LMNTD1: variants seen among roughly 807,000 people sequenced by gnomAD.
LMNTD1 encodes lamin tail domain containing 1, also known as lamin tail domain-containing protein 1.
LMNTD1 carries 35 observed loss-of-function variants against 50.9 expected under a neutral mutation model. The ratio of observed to expected loss-of-function variants is 0.69; its 90% CI spans 0.53 to 0.91. LMNTD1 has a LOEUF of 0.91. Ranked by LOEUF, LMNTD1 falls within the 40% of genes least tolerant of loss-of-function variation. The pLI is 0.00. For synonymous variants in LMNTD1, 153 were observed against 161.9 expected (o/e 0.94, Z 0.42); for missense variants, 470 against 475.5 (o/e 0.99, Z 0.11).
At chr12:25,628,198 T>C (rs1210981681) in intron 1 of LMNTD1, among the ~76,000 whole-genome samples, 1 of 151,432 alleles carries the variant, frequency 6.6e-6, no homozygotes, top group Non-Finnish European at 1.5e-5. Context: ...ATATATTACT[T>C]GAAGTTGACT....
At chr12:25,527,681 T>TATATATATATACACAC in intron 4 of LMNTD1, among the ~76,000 whole-genome samples, 1 of 32,348 alleles carries the variant, frequency 3.1e-5, no homozygotes, top group Admixed American at 4.0e-4. Context: ...TATATATATA[T>TATATATATATACACAC]ACACACACAC....
chr12:25,646,941 G>A (rs1443257549), intron 1 of LMNTD1, among the ~76,000 whole-genome samples: 1 of 152,118 alleles, frequency 6.6e-6, no homozygotes, highest in African/African-American at 2.4e-5. Context: ...AATCTGAGAG[G>A]TTGTTGATGT....
At chr12:25,569,674 T>C (rs1944705300) in intron 1 of LMNTD1, among the ~76,000 whole-genome samples, 2 of 152,064 alleles carry the variant, frequency 1.3e-5, no homozygotes, top group African/African-American at 2.4e-5. Context: ...TGGTGATAAG[T>C]TCTCATTCAG....
chr12:25,489,371 G>T (rs963495337), intron 9 of LMNTD1, among the ~76,000 whole-genome samples: 2 of 151,590 alleles, frequency 1.3e-5, no homozygotes, highest in African/African-American at 4.9e-5. Flanking sequence ...GCAATATTCG[G>T]GTGGGAGTGA....
chr12:25,501,520 T>C lies in LMNTD1; in HGVS notation c.*22+2218A>G, dbSNP rs115988733. On this transcript the variant is annotated intron_variant, in intron 9 of 9. Coordinates refer to ENST00000458174, the MANE Select transcript of LMNTD1 (RefSeq NM_001145728.2). ...GACAAAGACAATCTTAAAGGTTAAT[T>C]AGCAGAGTGGTGTGGAAGAGCAATG... is the stretch of plus-strand genomic sequence containing the variant. Among the ~76,000 whole-genome samples, 563 of 152,254 alleles carry C rather than the reference T, an allele frequency of 3.7e-3. 6 individuals carry two copies. Among genetic ancestry groups the C allele is most frequent in the African/African-American group, 0.013 (548 of 41,546 alleles).
intron 4 of LMNTD1, among the ~76,000 whole-genome samples, chr12:25,527,651 TA>T (rs1455720127): frequency 1.3e-4 from 6 of 44,576 alleles, no homozygotes; most frequent in African/African-American, 6.1e-4. Context: ...TATATATATA[TA>T]TATATATATA....
chr12:25,588,897 A>C (rs1565506190), intron 1 of LMNTD1, among the ~76,000 whole-genome samples: 2 of 152,234 alleles, frequency 1.3e-5, no homozygotes, highest in African/African-American at 4.8e-5. Context: ...CAACATTATT[A>C]GTAGCCAGGG....
At chr12:25,550,824 T>C (rs1292466372) in intron 2 of LMNTD1, among the ~76,000 whole-genome samples, 1 of 152,226 alleles carries the variant, frequency 6.6e-6, no homozygotes, top group Non-Finnish European at 1.5e-5. Flanking sequence ...TGCTCTTTAA[T>C]GTGCCTCTCA....
chr12:25,478,929 G>A (rs1239089366), intron 9 of LMNTD1, among the ~76,000 whole-genome samples: 1 of 151,500 alleles, frequency 6.6e-6, no homozygotes, highest in African/African-American at 2.4e-5. Context: ...TAAAGGGTCT[G>A]GGCCATTTGT....
At chr12:25,572,522 G>A (rs1458798162) in intron 1 of LMNTD1, among the ~76,000 whole-genome samples, 2 of 152,088 alleles carry the variant, frequency 1.3e-5, no homozygotes, top group African/African-American at 4.8e-5. Context: ...ACCATATACA[G>A]ATAATACCAA....
intron 1 of LMNTD1, among the ~76,000 whole-genome samples, chr12:25,575,061 T>A (rs1465024013): frequency 6.6e-6 from 1 of 152,176 alleles, no homozygotes; most frequent in African/African-American, 2.4e-5. Context: ...AGGCTTTTTG[T>A]CCCTGGTGAA....
intron 7 of LMNTD1, among the ~76,000 whole-genome samples, chr12:25,519,603 A>AAAAAAAAAAAAAAAAAC: frequency 6.8e-6 from 1 of 147,516 alleles, no homozygotes; most frequent in Non-Finnish European, 1.5e-5. Flanking sequence ...AAAAAAAAAA[A>AAAAAAAAAAAAAAAAAC]AAAAAGTGAA....
intron 1 of LMNTD1, among the ~76,000 whole-genome samples, chr12:25,618,322 A>C (rs1249099561): frequency 2.0e-5 from 3 of 152,124 alleles, no homozygotes; most frequent in Middle Eastern, 3.2e-3. Flanking sequence ...AGCAGGCATC[A>C]ATCTTCTTAG....
At chr12:25,605,324 G>T (rs1946072429) in intron 1 of LMNTD1, among the ~76,000 whole-genome samples, 1 of 152,094 alleles carries the variant, frequency 6.6e-6, no homozygotes, top group South Asian at 2.1e-4. Context: ...GGTTTCTTTT[G>T]CTGTGCAGAA....
At chr12:25,493,057 T>G (rs909514890) in intron 9 of LMNTD1, among the ~76,000 whole-genome samples, 1 of 152,210 alleles carries the variant, frequency 6.6e-6, no homozygotes, top group African/African-American at 2.4e-5. Flanking sequence ...AATCAGCTCC[T>G]TGGCACCTAT....
chr12:25,588,353 G>C (rs531552397), intron 1 of LMNTD1, among the ~76,000 whole-genome samples: 4 of 152,240 alleles, frequency 2.6e-5, no homozygotes, highest in African/African-American at 7.2e-5. Flanking sequence ...TTTCAACTCA[G>C]ATAATCCCAT....
chr12:25,539,240 G>A (rs1054728760), intron 4 of LMNTD1, among the ~76,000 whole-genome samples: 1 of 148,774 alleles, frequency 6.7e-6, no homozygotes, highest in African/African-American at 2.5e-5. Context: ...GACATCTACA[G>A]AACTCTCCAC....
chr12:25,558,519 T>G (rs193038823), intron 1 of LMNTD1, among the ~76,000 whole-genome samples: 6 of 152,366 alleles, frequency 3.9e-5, no homozygotes, highest in Admixed American at 3.9e-4. Context: ...ATTTCCTCAT[T>G]GACTCACTGG....
chr12:25,509,858 TAAG>T (rs1024309306), intron 8 of LMNTD1, among the ~76,000 whole-genome samples: 5 of 152,274 alleles, frequency 3.3e-5, no homozygotes, highest in African/African-American at 1.2e-4. Context: ...GACTAGAAAC[TAAG>T]AAGATGCAAG....
Sources: gnomAD v4.1 joint callset for allele counts (sites outside exome capture counted in the v4.1 genomes callset) on GRCh38, gnomAD v4.1.1 for gene constraint, MANE v1.5 for transcripts, NCBI Gene and HGNC (gene_info 2026-07-23, HGNC 2026-07-21) for gene names.